The following SLC16A7 variants were observed in gnomAD, a reference collection of about 807,000 sequenced individuals.
The protein encoded by SLC16A7 is solute carrier family 16 member 7.
SLC16A7 carries 33 observed loss-of-function variants against 34.9 expected under a neutral mutation model. That is an observed-to-expected ratio of 0.94 (90% CI 0.72 to 1.26). The LOEUF (loss-of-function observed/expected upper bound fraction) is 1.26, where lower values mean the gene tolerates loss of function less well. Ranked by LOEUF, SLC16A7 falls within the 50% of genes most tolerant of loss-of-function variation. SLC16A7 has a pLI of 0.00. For missense variants in SLC16A7, 573 were observed against 578.1 expected, an observed-to-expected ratio of 0.99 and a Z score of 0.09; for synonymous variants, 201 against 206.6, an observed-to-expected ratio of 0.97 and a Z score of 0.23.
intron 2 of SLC16A7, among the ~76,000 whole-genome samples, chr12:59,673,116 A>G (rs993122211): frequency 6.6e-6 from 1 of 152,180 alleles, no homozygotes; most frequent in Non-Finnish European, 1.5e-5. Context: ...AGTAACTTAC[A>G]AGGTTCTTAT....
chr12:59,679,312 G>A (rs974351133), intron 2 of SLC16A7, among the ~76,000 whole-genome samples: 1 of 152,126 alleles, frequency 6.6e-6, no homozygotes, highest in Non-Finnish European at 1.5e-5. Flanking sequence ...GCCTATTCCC[G>A]GCTATTTGGA....
chr12:59,679,538 A>G (rs1870583589), intron 2 of SLC16A7, among the ~76,000 whole-genome samples: 1 of 152,160 alleles, frequency 6.6e-6, no homozygotes, highest in South Asian at 2.1e-4. Context: ...CTTGACTGTC[A>G]TTATCTAGGT....
chr12:59,750,733 T>C (rs1170523717), intron 3 of SLC16A7, among the ~76,000 whole-genome samples: 1 of 152,178 alleles, frequency 6.6e-6, no homozygotes, highest in Non-Finnish European at 1.5e-5. Flanking sequence ...GGATTATAAA[T>C]CATTCTACTC....
At position 59,779,907 on chromosome 12, in the gene SLC16A7, T is replaced by G. The variant is rs1436223756; in HGVS notation, c.*228T>G. On this transcript the variant is annotated 3_prime_UTR_variant, in exon 6 of 6. Transcript: ENST00000547379. ...ATAGAAAGAATCCATGCTATAGGTT[T>G]ATTTCCATACCTGACTCTGGGTGTG... 1 of 411,166 alleles carries G rather than the reference T, an allele frequency of 2.4e-6. No individual in the cohort carries two copies. The highest frequency in any genetic ancestry group is 4.4e-6 in the Non-Finnish European group (1 of 228,954). 25.5% of individuals were successfully genotyped at this position (411,166 alleles called of 1,614,324 possible).
At chr12:59,763,087 G>T (rs1468707309) in intron 3 of SLC16A7, among the ~76,000 whole-genome samples, 1 of 151,940 alleles carries the variant, frequency 6.6e-6, no homozygotes, top group East Asian at 1.9e-4. Flanking sequence ...TACTTTTATA[G>T]CAGATTCAAT....
intron 2 of SLC16A7, among the ~76,000 whole-genome samples, chr12:59,685,656 A>C (rs1286700703): frequency 6.6e-6 from 1 of 152,120 alleles, no homozygotes; most frequent in Non-Finnish European, 1.5e-5. Context: ...AGAGTATATG[A>C]ACTGGGCAAA....
chr12:59,754,197 C>G (rs538237881), intron 3 of SLC16A7, among the ~76,000 whole-genome samples: 1 of 152,124 alleles, frequency 6.6e-6, no homozygotes, highest in Admixed American at 6.5e-5. Flanking sequence ...ATTAAAAGAA[C>G]TAGAAAAGCA....
At chr12:59,668,344 G>A (rs1471299849) in intron 2 of SLC16A7, among the ~76,000 whole-genome samples, 1 of 152,216 alleles carries the variant, frequency 6.6e-6, no homozygotes. Flanking sequence ...TAAAGCCACA[G>A]GGATAGAGCT....
At chr12:59,730,332 T>C (rs947588813) in intron 3 of SLC16A7, among the ~76,000 whole-genome samples, 2 of 140,628 alleles carry the variant, frequency 1.4e-5, no homozygotes, top group African/African-American at 5.6e-5. Flanking sequence ...TCTAAAAGGG[T>C]ATGCTTCCTA....
intron 2 of SLC16A7, among the ~76,000 whole-genome samples, chr12:59,660,073 G>C (rs1484625540): frequency 3.3e-5 from 5 of 151,834 alleles, no homozygotes; most frequent in Admixed American, 2.6e-4. Flanking sequence ...TGTGGTTTTT[G>C]TTTTTGCTTT....
At chr12:59,697,028 T>G (rs1222180982) in intron 2 of SLC16A7, among the ~76,000 whole-genome samples, 1 of 151,916 alleles carries the variant, frequency 6.6e-6, no homozygotes, top group East Asian at 1.9e-4. Context: ...AATCATATGT[T>G]TTTTATTTAA....
At chr12:59,760,337 C>T (rs1442752543) in intron 3 of SLC16A7, among the ~76,000 whole-genome samples, 1 of 151,990 alleles carries the variant, frequency 6.6e-6, no homozygotes, top group Non-Finnish European at 1.5e-5. Flanking sequence ...CTCCCAGGTC[C>T]TTGGAAGTGA....
At chr12:59,659,375 A>T (rs1868710297) in intron 2 of SLC16A7, among the ~76,000 whole-genome samples, 1 of 152,050 alleles carries the variant, frequency 6.6e-6, no homozygotes, top group South Asian at 2.1e-4. Context: ...TGAACATTGT[A>T]TCCAAAAGGT....
At position 59,774,747 on chromosome 12, in the gene SLC16A7, TG is replaced by T. The variant is rs1565716521; in HGVS notation, c.454del (p.Ala152GlnfsTer7). ...CGACCCATGGCAAATGGATTGGCCA[TG>T]GCAGGAAGTCCTGTTTTCTTAAGTT... Reference protein sequence around the residue: ...RKRPMANGLAMAGSPVFLSSL... With the variant: ...RKRPMANGLAXAGSPVFLSSL... On this transcript the variant is annotated frameshift_variant, in exon 5 of 6. Transcript: ENST00000547379. LOFTEE classifies it high-confidence loss of function. 2 of 1,613,886 alleles carry T rather than the reference TG, an allele frequency of 1.2e-6. No individual in the cohort carries two copies. Among genetic ancestry groups the T allele is most frequent in the Non-Finnish European group, 1.7e-6 (2 of 1,179,856 alleles).
At chr12:59,698,104 A>G (rs932775662) in intron 2 of SLC16A7, among the ~76,000 whole-genome samples, 2 of 151,752 alleles carry the variant, frequency 1.3e-5, no homozygotes, top group African/African-American at 4.8e-5. Context: ...GCAAAAATCT[A>G]TGTTTTCCTA....
intron 1 of SLC16A7, among the ~76,000 whole-genome samples, chr12:59,621,807 G>A (rs979404237): frequency 1.3e-5 from 2 of 151,704 alleles, no homozygotes; most frequent in African/African-American, 2.4e-5. Flanking sequence ...TTGGGGTGGG[G>A]ATGTGGGATG....
chr12:59,767,382 G>T (rs561265345), intron 3 of SLC16A7, among the ~76,000 whole-genome samples: 10 of 152,086 alleles, frequency 6.6e-5, no homozygotes, highest in African/African-American at 2.2e-4. Context: ...GGAAGTAGAT[G>T]CTATCTAGGA....
At chr12:59,607,176 C>T (rs939132378) in intron 1 of SLC16A7, among the ~76,000 whole-genome samples, 6 of 152,052 alleles carry the variant, frequency 3.9e-5, no homozygotes, top group Non-Finnish European at 7.4e-5. Flanking sequence ...ATTATTAAAT[C>T]CTGCTCTAGA....
chr12:59,728,612 C>G (rs2706315), intron 3 of SLC16A7, among the ~76,000 whole-genome samples: 6,841 of 152,238 alleles, frequency 0.045, 492 homozygotes, highest in African/African-American at 0.16. Flanking sequence ...ATAGTCCTAG[C>G]TACTCAGGAG....
Sources: allele counts gnomAD v4.1 joint callset (sites outside exome capture counted in the v4.1 genomes callset), GRCh38; gene constraint gnomAD v4.1.1; transcripts MANE v1.5; gene names NCBI Gene and HGNC (gene_info 2026-07-23, HGNC 2026-07-21).